The following CTSL variants were observed in gnomAD, a reference collection of about 807,000 sequenced individuals.
CTSL encodes cathepsin L, also known as procathepsin L.
A neutral mutation model predicts 34.7 loss-of-function variants in CTSL; 23 were observed. The ratio of observed to expected loss-of-function variants is 0.66; its 90% CI spans 0.48 to 0.94. The LOEUF (loss-of-function observed/expected upper bound fraction) is 0.94, where lower values mean the gene tolerates loss of function less well. CTSL is among the 40% of genes least tolerant of loss of function. The probability of loss-of-function intolerance (pLI) is 0.00; values close to 1 mark genes in which losing one functional copy is unlikely to be tolerated. For synonymous variants in CTSL, 129 were observed against 136.7 expected, an observed-to-expected ratio of 0.94 and a Z score of 0.39; for missense variants, 361 against 406.3, an observed-to-expected ratio of 0.89 and a Z score of 0.96.
intron 1 of CTSL, among the ~76,000 whole-genome samples, chr9:87,727,020 C>G (rs1339552209): frequency 1.3e-5 from 2 of 151,114 alleles, no homozygotes; most frequent in Non-Finnish European, 2.9e-5. Context: ...GCCTGGGCCA[C>G]AGAGCAAGAC....
intron 1 of CTSL, among the ~76,000 whole-genome samples, chr9:87,727,122 TAGTC>T (rs747969601): frequency 6.6e-5 from 10 of 152,176 alleles, no homozygotes; most frequent in African/African-American, 1.7e-4. Flanking sequence ...TGGTGTTTGT[TAGTC>T]AGGAAGATGT....
At chr9:87,728,910 G>A in intron 5 of CTSL, 101 bp downstream of exon 5, 1 of 1,552,994 alleles carries the variant, frequency 6.4e-7, no homozygotes, top group Non-Finnish European at 8.7e-7. Context: ...TTAGGGCTGG[G>A]TGGGGTGGCT....
In CTSL at chr9:87,729,679, G is replaced by A. The variant is rs908025262; in HGVS notation, c.728G>A (p.Gly243Glu). ...KALMKAVATV[G>E]PISVAIDAGH... ...CTGATGAAGGCAGTTGCAACTGTGGGGCCCATTTCTGTTGCTATTGATGCA... is the reference window on the plus strand; with the variant it reads ...CTGATGAAGGCAGTTGCAACTGTGGAGCCCATTTCTGTTGCTATTGATGCA... The change falls in exon 6 of 8, where the codon GGG becomes GAG. Residue 243 changes from glycine (G) to glutamate (E), a missense_variant. Transcript: ENST00000343150. The A allele has an allele frequency of 1.7e-5, 27 of 1,614,008 alleles. No individual in the cohort carries two copies. The highest frequency in any genetic ancestry group is 2.2e-5 in the Non-Finnish European group (26 of 1,179,954).
rs370920565 is a variant in CTSL, at chr9:87,729,763, G to A, written c.784+28G>A. The stretch of plus-strand genomic sequence containing the variant: ...AAGCATATTTTTCTTTGTAGAAATT[G>A]ATGCAGAAAAAGAGTATCATGACAT... On this transcript the variant is annotated intron_variant, in intron 6 of 7. Coordinates refer to ENST00000343150, the MANE Select transcript of CTSL (RefSeq NM_001912.5). 7.6e-6 allele frequency: 12 copies of A among 1,580,928 alleles called. No homozygotes were observed. In the Middle Eastern group the frequency reaches 5.1e-4, roughly 67 times the overall value.
Position 87,731,386 on chromosome 9 carries a change from C to G in CTSL, c.*279C>G. The G allele has an allele frequency of 4.1e-6, 1 of 243,016 alleles. No individual in the cohort carries two copies. 15.1% of individuals were successfully genotyped at this position (243,016 alleles called of 1,614,324 possible). ...TACCTGTTTAAATAAAATTTAATTT[C>G]AAATGTAGTGGTGGGGCTTCTTTCT... On this transcript the variant is annotated 3_prime_UTR_variant, in exon 8 of 8. Transcript: ENST00000343150.
At position 87,730,464 on chromosome 9, in the gene CTSL, T is replaced by C; in HGVS notation, c.868T>C (p.Ser290Pro). ...VVGYGFESTE[S>P]DNNKYWLVKN... ...TGGCTACGGATTTGAAAGCACAGAA[T>C]CAGATAACAATAAATATTGGCTGGT... Residue 290 changes from serine (S) to proline (P), a missense_variant, in exon 7 of 8, where the codon TCA becomes CCA. Coordinates refer to ENST00000343150, the MANE Select transcript of CTSL (RefSeq NM_001912.5). 1 of 1,612,764 alleles carries C rather than the reference T, an allele frequency of 6.2e-7. No homozygotes were observed. The highest frequency in any genetic ancestry group is 2.2e-5 in the East Asian group (1 of 44,788).
rs199624538 is a variant in CTSL, at chr9:87,730,446, G to A, written c.850G>A (p.Gly284Arg). Residue 284 changes from glycine (G) to arginine (R), a missense_variant, in exon 7 of 8, where the codon GGA (glycine) becomes AGA (arginine). Coordinates refer to ENST00000343150, the MANE Select transcript of CTSL (RefSeq NM_001912.5). Reference sequence around the variant, plus strand: ...TCATGGTGTGCTGGTGGTTGGCTACGGATTTGAAAGCACAGAATCAGATAA... The same window carrying A: ...TCATGGTGTGCTGGTGGTTGGCTACAGATTTGAAAGCACAGAATCAGATAA... The part of the protein sequence containing the change: ...MDHGVLVVGY[G>R]FESTESDNNK... The A allele has an allele frequency of 2.5e-5, 40 of 1,613,156 alleles. No individual in the cohort carries two copies. The Middle Eastern group carries it at 4.9e-4, about 20-fold the overall frequency.
intron 5 of CTSL, 51 bp from the exon 6 acceptor site, chr9:87,729,522 A>G: frequency 1.3e-6 from 2 of 1,525,998 alleles, no homozygotes; most frequent in Non-Finnish European, 1.8e-6. Context: ...CATGTTCTCC[A>G]GGAGGAGGAC....
In CTSL at chr9:87,728,102, G is replaced by A; in HGVS notation, c.202G>A (p.Glu68Lys). ...MIELHNQEYREGKHSFTMAMN... is the reference protein window; with the variant it reads ...MIELHNQEYRKGKHSFTMAMN... ...TGAACTGCACAATCAGGAATACAGG[G>A]AAGGGAAACACAGCTTCACAATGGC... The change falls in exon 3 of 8, where the codon GAA becomes AAA. Residue 68 changes from glutamate (E) to lysine (K), a missense_variant. Transcript: ENST00000343150. 1 of 1,614,154 alleles carries A rather than the reference G, an allele frequency of 6.2e-7. No homozygotes were observed. Among genetic ancestry groups the A allele is most frequent in the Non-Finnish European group, 8.5e-7 (1 of 1,180,006 alleles).
At chr9:87,730,549 T>C (rs372238590) in intron 7 of CTSL, 51 bp downstream of exon 7, 313 of 1,314,242 alleles carry the variant, frequency 2.4e-4, no homozygotes, top group Non-Finnish European at 3.3e-4. Context: ...AGAATACTTA[T>C]TTGCAAACAG....
In CTSL at chr9:87,727,727, A is replaced by G. The variant is rs773225958; in HGVS notation, c.124A>G (p.Met42Val). 2.7e-5 allele frequency: 44 copies of G among 1,614,080 alleles called. No individual in the cohort carries two copies. In the South Asian group the frequency reaches 4.6e-4, roughly 17 times the overall value. The change falls in exon 2 of 8, where the codon ATG becomes GTG. Residue 42 changes from methionine to valine, a missense_variant and splice_region_variant. Transcript: ENST00000343150. ...WKAMHNRLYG[M>V]NEEGWRRAVW... ...GGCGATGCACAACAGATTATACGGC[A>G]TGGTTAGTGAAACTTCCCCAGAAAG...
rs954688357 is a variant in CTSL at position 87,726,386 on chromosome 9, CGGGT to C, written c.-20_-17del. On this transcript the variant is annotated 5_prime_UTR_variant, in exon 1 of 8. Coordinates refer to ENST00000343150, the MANE Select transcript of CTSL (RefSeq NM_001912.5). ...TGAGCGGGCAGGCCAGCCTCCGAGC[CGGGT>C]GGACACAGGTACCGCAGCCAGGCCG... 2 of 152,374 alleles carry C rather than the reference CGGGT, an allele frequency of 1.3e-5. No individual in the cohort carries two copies. The highest frequency in any genetic ancestry group is 4.8e-5 in the African/African-American group (2 of 41,440). The allele number at this position is 152,374 out of a possible 1,614,324, so 9.4% of individuals were successfully genotyped here.
chr9:87,730,132 C>T (rs1266195868), intron 6 of CTSL, among the ~76,000 whole-genome samples: 1 of 151,956 alleles, frequency 6.6e-6, no homozygotes, highest in Non-Finnish European at 1.5e-5. Flanking sequence ...GAATTACAAG[C>T]TTACAAAGAG....
chr9:87,728,940 C>G (rs1826149778), intron 5 of CTSL, 131 bp downstream of exon 5: 1 of 1,493,486 alleles, frequency 6.7e-7, no homozygotes, highest in Non-Finnish European at 8.9e-7. Flanking sequence ...AATCCCAGCC[C>G]TTTAGGAGGC....
chr9:87,730,975 T>C (rs763085499), intron 7 of CTSL, 33 bp from the exon 8 acceptor site: 1 of 1,587,786 alleles, frequency 6.3e-7, no homozygotes, highest in East Asian at 2.2e-5. Flanking sequence ...GCTTTATTCT[T>C]TCTCTGAAAT....
At chr9:87,727,041 AAAATAAATAAATAAATAAATAAAT>A (rs71507737) in intron 1 of CTSL, among the ~76,000 whole-genome samples, 1 of 144,778 alleles carries the variant, frequency 6.9e-6, no homozygotes, top group South Asian at 2.3e-4. Flanking sequence ...TCCATCTCAA[AAAATAAATAAATAAATAAATAAAT>A]AAATAAATAA....
chr9:87,730,429 T>C lies in CTSL; in HGVS notation c.833T>C (p.Val278Ala), dbSNP rs367617220. The C allele has an allele frequency of 4.3e-6, 7 of 1,613,230 alleles. No individual in the cohort carries two copies. The highest frequency in any genetic ancestry group is 1.3e-5 in the African/African-American group (1 of 74,862). ...DCSSEDMDHG[V>A]LVVGYGFEST... ...AGCAGTGAAGACATGGATCATGGTG[T>C]GCTGGTGGTTGGCTACGGATTTGAA... Residue 278 changes from valine to alanine, a missense_variant, in exon 7 of 8, where the codon GTG becomes GCG. Transcript: ENST00000343150.
At chr9:87,729,819 A>G in intron 6 of CTSL, 84 bp downstream of exon 6, 2 of 1,385,332 alleles carry the variant, frequency 1.4e-6, no homozygotes, top group South Asian at 2.8e-5. Flanking sequence ...TTTGCAAGTA[A>G]AGTTCAGTGT....
At position 87,728,923 on chromosome 9, in the gene CTSL, C is replaced by T. The variant is rs187056004; in HGVS notation, c.621+114C>T. 8.5e-6 allele frequency: 13 copies of T among 1,523,868 alleles called. No individual in the cohort carries two copies. The East Asian group carries it at 1.2e-4, about 14-fold the overall frequency. The allele number at this position is 1,523,868 out of a possible 1,614,324, so 94.4% of individuals were successfully genotyped here. A position where few individuals can be genotyped will look rare whatever the true frequency, so the allele number is the denominator to read the frequency against. On this transcript the variant is annotated intron_variant, in intron 5 of 7. Coordinates refer to ENST00000343150, the MANE Select transcript of CTSL (RefSeq NM_001912.5). ...TATTAGGGCTGGGTGGGGTGGCTCA[C>T]GCCTGTAATCCCAGCCCTTTAGGAG...
Sources: allele counts gnomAD v4.1 joint callset (sites outside exome capture counted in the v4.1 genomes callset), GRCh38; gene constraint gnomAD v4.1.1; transcripts MANE v1.5; gene names NCBI Gene and HGNC (gene_info 2026-07-23, HGNC 2026-07-21).